MEF2D: variants seen among roughly 807,000 people sequenced by gnomAD.
MEF2D encodes myocyte-specific enhancer factor 2D.
MEF2D carries 10 observed loss-of-function variants against 59.3 expected under a neutral mutation model. That is an observed-to-expected ratio of 0.17 (90% CI 0.10 to 0.29). MEF2D has a LOEUF of 0.29. Ranked by LOEUF, MEF2D falls within the 10% of genes least tolerant of loss-of-function variation. MEF2D has a pLI of 1.00. For synonymous variants in MEF2D, 305 were observed against 295.0 expected, an observed-to-expected ratio of 1.03 and a Z score of -0.35; for missense variants, 508 against 699.4, an observed-to-expected ratio of 0.73 and a Z score of 3.09.
rs939324538 is a variant in MEF2D at position 156,463,745 on chromosome 1, T to C, written c.*3900A>G. ...GCCGAAGTATCAGAAACGTGTATTC[T>C]TTTTCTTTTAATAGTAAACCTCTTT... On this transcript the variant is annotated 3_prime_UTR_variant, in exon 12 of 12. Transcript: ENST00000348159. 6 of 152,300 alleles carry C rather than the reference T, an allele frequency of 3.9e-5. No individual in the cohort carries two copies. The highest frequency in any genetic ancestry group is 1.4e-4 in the African/African-American group (6 of 41,456). 9.4% of individuals were successfully genotyped at this position (152,300 alleles called of 1,614,324 possible). A position where few individuals can be genotyped will look rare whatever the true frequency, so the allele number is the denominator to read the frequency against.
At chr1:156,470,514 A>G (rs960246807) in intron 9 of MEF2D, among the ~76,000 whole-genome samples, 6 of 152,114 alleles carry the variant, frequency 3.9e-5, no homozygotes, top group Non-Finnish European at 5.9e-5. Flanking sequence ...GCACCCCTCA[A>G]TCATCCCAAT....
chr1:156,481,018 C>T (rs759460021), intron 3 of MEF2D, 47 bp from the exon 4 acceptor site: 63 of 1,608,342 alleles, frequency 3.9e-5, no homozygotes, highest in African/African-American at 1.1e-4. Flanking sequence ...CCTTCCCGCC[C>T]GCCTCGCTGG....
intron 8 of MEF2D, among the ~76,000 whole-genome samples, 187 bp from the exon 9 acceptor site, chr1:156,475,424 G>A (rs1054700715): frequency 1.5e-4 from 23 of 152,234 alleles, no homozygotes; most frequent in African/African-American, 5.5e-4. Context: ...TCCATGGAGG[G>A]AAACATGCAC....
In MEF2D at chr1:156,475,089, A is replaced by G. The variant is rs753366752; in HGVS notation, c.1006+19T>C. 6.2e-7 allele frequency: 1 copy of G among 1,614,066 alleles called. No individual in the cohort carries two copies. Among genetic ancestry groups the G allele is most frequent in the Middle Eastern group, 1.7e-4 (1 of 6,058 alleles). ...CCCAAGCCCAAGTGCACACATGCACATGTCACATGAACACTCACCTGTGTT... is the reference window on the plus strand; with the variant it reads ...CCCAAGCCCAAGTGCACACATGCACGTGTCACATGAACACTCACCTGTGTT... On this transcript the variant is annotated intron_variant, in intron 9 of 11. Coordinates refer to ENST00000348159, the MANE Select transcript of MEF2D (RefSeq NM_005920.4).
At chr1:156,492,843 G>A (rs1672893800) in intron 1 of MEF2D, among the ~76,000 whole-genome samples, 1 of 152,224 alleles carries the variant, frequency 6.6e-6, no homozygotes, top group Non-Finnish European at 1.5e-5. Context: ...GTTGGAATGA[G>A]CATAATGCCA....
chr1:156,468,924 T>C lies in MEF2D; in HGVS notation c.1103A>G (p.Gln368Arg), dbSNP rs1343729609. The stretch of plus-strand genomic sequence containing the variant: ...TGGCTGCTGCGGCTGCTGGGGCTGC[T>C]GTGGCTGTTGCCAGGCAGTGACATT... Reference protein sequence around the residue: ...LGNVTAWQQPQQPQQPQQPQP... With the variant: ...LGNVTAWQQPRQPQQPQQPQP... The change falls in exon 10 of 12, where the codon CAG becomes CGG. Residue 368 changes from glutamine (Q) to arginine (R), a missense_variant. Around this residue, in one of 2 missense-constraint regions of MEF2D, gnomAD observed 481 missense variants for 584.7 expected, o/e 0.82. Coordinates refer to ENST00000348159, the MANE Select transcript of MEF2D (RefSeq NM_005920.4). The surrounding 1 kb of genome is among the most constrained non-coding windows in gnomAD (Gnocchi z 4.3). 1 of 1,613,638 alleles carries C rather than the reference T, an allele frequency of 6.2e-7. No individual in the cohort carries two copies. Among genetic ancestry groups the C allele is most frequent in the Non-Finnish European group, 8.5e-7 (1 of 1,179,830 alleles).
intron 9 of MEF2D, among the ~76,000 whole-genome samples, chr1:156,471,974 CAG>C (rs1176313160): frequency 6.6e-6 from 1 of 152,186 alleles, no homozygotes; most frequent in Non-Finnish European, 1.5e-5. Context: ...GCTTTCATGC[CAG>C]AGTGACAGAT....
At chr1:156,483,471 A>C in intron 1 of MEF2D, 41 bp from the exon 2 acceptor site, 1 of 619,090 alleles carries the variant, frequency 1.6e-6, no homozygotes, top group Non-Finnish European at 2.8e-6. Context: ...AGCCCCCAAA[A>C]CCCCCAGCCC....
At chr1:156,477,230 AGG>A (rs1430518387) in intron 6 of MEF2D, 28 bp from the exon 7 acceptor site, 2 of 1,560,180 alleles carry the variant, frequency 1.3e-6, no homozygotes, top group African/African-American at 1.4e-5. Context: ...AGAGGGTAAA[AGG>A]AAAAACATGG....
chr1:156,496,263 A>C (rs1402571399), intron 1 of MEF2D, among the ~76,000 whole-genome samples: 1 of 152,206 alleles, frequency 6.6e-6, no homozygotes, highest in African/African-American at 2.4e-5. Context: ...GGCCTTGCTC[A>C]TCAGGGTGAG....
At position 156,477,071 on chromosome 1, in the gene MEF2D, G is replaced by A. The variant is rs748512959; in HGVS notation, c.796C>T (p.Arg266Cys). The change falls in exon 7 of 12, where the codon CGC (arginine) becomes TGC (cysteine). Residue 266 changes from arginine (R) to cysteine (C), a missense_variant. Arg to Cys is a radical substitution (Grantham distance 180). Coordinates refer to ENST00000348159, the MANE Select transcript of MEF2D (RefSeq NM_005920.4). ...GTGATGACTCGCAGGTCGGGCTTGC[G>A]GCTGGGGGCTCCAAGCTGGGTGCTG... ...THSTQLGAPS[R>C]KPDLRVITSQ... is the part of the protein sequence containing the mutation. 1.9e-6 allele frequency: 3 copies of A among 1,613,944 alleles called. No homozygotes were observed. The highest frequency in any genetic ancestry group is 2.5e-6 in the Non-Finnish European group (3 of 1,179,880).
intron 1 of MEF2D, among the ~76,000 whole-genome samples, chr1:156,496,936 C>G (rs1168180426): frequency 3.3e-5 from 5 of 152,252 alleles, no homozygotes; most frequent in Non-Finnish European, 7.3e-5. Flanking sequence ...GATAAATATT[C>G]CGAGATCCAA....
At chr1:156,482,405 G>GTA in intron 3 of MEF2D, 32 bp downstream of exon 3, 1 of 1,611,444 alleles carries the variant, frequency 6.2e-7, no homozygotes, top group African/African-American at 1.3e-5. Flanking sequence ...GCAGGCGGGG[G>GTA]TATATCCTGG....
At chr1:156,480,622 C>A in intron 4 of MEF2D, 1 of 1,539,344 alleles carries the variant, frequency 6.5e-7, no homozygotes, top group South Asian at 1.2e-5. Flanking sequence ...CAGGGAGGCT[C>A]TGCTCCATGC....
chr1:156,495,789 C>G (rs1673098911), intron 1 of MEF2D, among the ~76,000 whole-genome samples: 1 of 14,696 alleles, frequency 6.8e-5, no homozygotes, highest in African/African-American at 2.1e-4. Flanking sequence ...GCTCCCTCTG[C>G]ATGGTTTCCT....
At chr1:156,479,422 G>A (rs1054322228) in intron 5 of MEF2D, 76 bp from the exon 6 acceptor site, 4 of 1,541,678 alleles carry the variant, frequency 2.6e-6, no homozygotes, top group Admixed American at 2.0e-5. Flanking sequence ...TGAACATGAA[G>A]AGGGGACCCC....
In MEF2D at chr1:156,468,748, A is replaced by G. The variant is rs1671032164; in HGVS notation, c.1247+32T>C. 8.2e-6 allele frequency: 13 copies of G among 1,593,438 alleles called. No individual in the cohort carries two copies. Among genetic ancestry groups the G allele is most frequent in the Non-Finnish European group, 1.1e-5 (13 of 1,163,948 alleles). The stretch of plus-strand genomic sequence containing the variant: ...TCTTCCCGTTCAATTCTCCCTTCCC[A>G]CACACTCACATGCAGTCTCCCCAGG... On this transcript the variant is annotated intron_variant, in intron 10 of 11. Transcript: ENST00000348159. The surrounding 1 kb of genome is among the most constrained non-coding windows in gnomAD (Gnocchi z 4.3).
intron 9 of MEF2D, among the ~76,000 whole-genome samples, chr1:156,470,009 C>CA (rs1377417259): frequency 1.3e-5 from 2 of 152,226 alleles, no homozygotes; most frequent in Admixed American, 6.5e-5. Flanking sequence ...GCAAGGGTAC[C>CA]ATGCCGGGAG....
At chr1:156,467,847 G>A (rs898462514) in intron 11 of MEF2D, 146 bp downstream of exon 11, 5 of 1,130,174 alleles carry the variant, frequency 4.4e-6, no homozygotes, top group African/African-American at 3.1e-5. Context: ...GGGTGAAGGG[G>A]TGTTGGTGCT....
Sources: allele counts gnomAD v4.1 joint callset (sites outside exome capture counted in the v4.1 genomes callset), GRCh38; gene constraint gnomAD v4.1.1; regional missense constraint gnomAD v4.1.1; non-coding constraint Gnocchi (gnomAD v3.1); transcripts MANE v1.5; gene names NCBI Gene and HGNC (gene_info 2026-07-23, HGNC 2026-07-21).